PHLPP1: variants seen among roughly 807,000 people sequenced by gnomAD.
The protein encoded by PHLPP1 is PH domain leucine-rich repeat-containing protein phosphatase 1.
A neutral mutation model predicts 117.2 loss-of-function variants in PHLPP1; 42 were observed. The observed-to-expected ratio is 0.36, with a 90% confidence interval of 0.28 to 0.46. The LOEUF is 0.46. PHLPP1 is among the 20% of genes least tolerant of loss of function. The pLI is 1.00. For missense variants in PHLPP1, 2,084 were observed against 2,241.9 expected, an observed-to-expected ratio of 0.93 and a Z score of 1.42; for synonymous variants, 1,042 against 970.7, an observed-to-expected ratio of 1.07 and a Z score of -1.37.
At chr18:62,974,614 G>C (rs573948) in intron 15 of PHLPP1, among the ~76,000 whole-genome samples, 147,487 of 152,330 alleles carry the variant, frequency 0.97, 71,450 homozygotes, top group East Asian at 1. Context: ...TCTTTTGTCC[G>C]TCTCTGCCAT....
chr18:62,736,457 C>T (rs914619455), intron 1 of PHLPP1, among the ~76,000 whole-genome samples: 5 of 152,122 alleles, frequency 3.3e-5, no homozygotes, highest in African/African-American at 4.8e-5. Context: ...CAGTAGCTAA[C>T]TGGCTCTTTT....
chr18:62,773,859 T>G (rs1255918389), intron 1 of PHLPP1, among the ~76,000 whole-genome samples: 2 of 152,190 alleles, frequency 1.3e-5, no homozygotes, highest in East Asian at 3.8e-4. Flanking sequence ...GCCGGCAGAT[T>G]CCTTGTTGAT....
chr18:62,834,738 A>G (rs1599072664), intron 2 of PHLPP1, among the ~76,000 whole-genome samples: 1 of 152,162 alleles, frequency 6.6e-6, no homozygotes, highest in African/African-American at 2.4e-5. Context: ...AGTTAACACA[A>G]TTTGATAGCT....
chr18:62,834,942 T>A (rs908434614), intron 2 of PHLPP1, among the ~76,000 whole-genome samples: 7 of 152,276 alleles, frequency 4.6e-5, no homozygotes, highest in East Asian at 1.9e-4. Context: ...CAGCATTTTT[T>A]AAAAAATCGT....
At chr18:62,899,885 G>T (rs1916668340) in intron 6 of PHLPP1, among the ~76,000 whole-genome samples, 1 of 152,182 alleles carries the variant, frequency 6.6e-6, no homozygotes, top group Admixed American at 6.5e-5. Context: ...GCCTAGGCTG[G>T]CTCAAACTCT....
At chr18:62,825,389 T>C (rs984408727) in intron 1 of PHLPP1, 5 of 147,602 alleles carry the variant, frequency 3.4e-5, no homozygotes, top group African/African-American at 1.2e-4. Context: ...AAATTATATA[T>C]TATATAAATA....
Position 62,715,793 on chromosome 18 carries a change from C to A in PHLPP1, c.110C>A (p.Ala37Asp), listed in dbSNP as rs1016774262. 1.3e-6 allele frequency: 1 copy of A among 793,264 alleles called. No individual in the cohort carries two copies. Among genetic ancestry groups the A allele is most frequent in the Non-Finnish European group, 1.5e-6 (1 of 648,152 alleles). The allele number at this position is 793,264 out of a possible 1,614,324, so 49.1% of individuals were successfully genotyped here. Residue 37 changes from alanine (A) to aspartate (D), a missense_variant, in exon 1 of 17, where the codon GCC (alanine) becomes GAC (aspartate). By Grantham distance (126) the Ala-to-Asp change is moderately radical. Coordinates refer to ENST00000262719, the MANE Select transcript of PHLPP1 (RefSeq NM_194449.4). ...AAAAAAAAAA[A>D]AAALAAAAGG... The stretch of plus-strand genomic sequence containing the variant: ...GCGGCAGCAGCAGCAGCAGCGGCGG[C>A]CGCGGCGGCTCTGGCGGCGGCGGCC...
chr18:62,931,611 A>AG (rs397792485), intron 10 of PHLPP1, among the ~76,000 whole-genome samples: 1 of 150,636 alleles, frequency 6.6e-6, no homozygotes, highest in Non-Finnish European at 1.5e-5. Context: ...AAAAAAAAAA[A>AG]GGGCCGGGCA....
intron 1 of PHLPP1, among the ~76,000 whole-genome samples, chr18:62,769,794 A>C (rs1291113782): frequency 6.6e-6 from 1 of 152,226 alleles, no homozygotes; most frequent in Admixed American, 6.5e-5. Flanking sequence ...CTGTTCATCA[A>C]CTGTTATACG....
chr18:62,733,318 G>C (rs1911278001), intron 1 of PHLPP1, among the ~76,000 whole-genome samples: 2 of 152,230 alleles, frequency 1.3e-5, no homozygotes, highest in Non-Finnish European at 2.9e-5. Context: ...CAAAGGCTCA[G>C]ATCATTGTTA....
Position 62,979,560 on chromosome 18 carries a change from C to A in PHLPP1, c.*129C>A. ...AGACACTGTTCCCAACCTGTCATCGCAGCTAATCTGTAGGTTCTCTTTCTT... is the reference window on the plus strand; with the variant it reads ...AGACACTGTTCCCAACCTGTCATCGAAGCTAATCTGTAGGTTCTCTTTCTT... On this transcript the variant is annotated 3_prime_UTR_variant, in exon 17 of 17. Coordinates refer to ENST00000262719, the MANE Select transcript of PHLPP1 (RefSeq NM_194449.4). 1 of 1,007,840 alleles carries A rather than the reference C, an allele frequency of 9.9e-7. No individual in the cohort carries two copies. The highest frequency in any genetic ancestry group is 1.4e-6 in the Non-Finnish European group (1 of 698,072). The allele number at this position is 1,007,840 out of a possible 1,614,324, so 62.4% of individuals were successfully genotyped here.
chr18:62,750,428 A>C (rs568336329), intron 1 of PHLPP1, among the ~76,000 whole-genome samples: 1 of 152,056 alleles, frequency 6.6e-6, no homozygotes, highest in Non-Finnish European at 1.5e-5. Context: ...GCGGACTCCT[A>C]TCAGACTTGT....
chr18:62,946,626 C>T (rs917527572), intron 12 of PHLPP1, among the ~76,000 whole-genome samples: 1 of 152,000 alleles, frequency 6.6e-6, no homozygotes, highest in South Asian at 2.1e-4. Context: ...GAGATGTGTA[C>T]AAGCCATTTT....
At chr18:62,789,811 A>G (rs1267674156) in intron 1 of PHLPP1, among the ~76,000 whole-genome samples, 2 of 152,218 alleles carry the variant, frequency 1.3e-5, no homozygotes, top group African/African-American at 4.8e-5. Context: ...AATTTAATAT[A>G]TACATATATA....
intron 4 of PHLPP1, among the ~76,000 whole-genome samples, chr18:62,891,421 C>T (rs1916406408): frequency 6.6e-6 from 1 of 152,062 alleles, no homozygotes; most frequent in South Asian, 2.1e-4. Context: ...AACCCTGTCT[C>T]TACTAAAAAT....
At chr18:62,836,776 A>G (rs1398411070) in intron 2 of PHLPP1, among the ~76,000 whole-genome samples, 1 of 151,324 alleles carries the variant, frequency 6.6e-6, no homozygotes, top group Non-Finnish European at 1.5e-5. Flanking sequence ...TTAAATGGCT[A>G]TATAGGGGCC....
chr18:62,768,030 T>G (rs2144261424), intron 1 of PHLPP1, among the ~76,000 whole-genome samples: 1 of 152,324 alleles, frequency 6.6e-6, no homozygotes, highest in South Asian at 2.1e-4. Flanking sequence ...TAGGAGAGGA[T>G]GAGAATCCAT....
At chr18:62,791,567 A>G (rs1378909655) in intron 1 of PHLPP1, among the ~76,000 whole-genome samples, 1 of 152,170 alleles carries the variant, frequency 6.6e-6, no homozygotes, top group Non-Finnish European at 1.5e-5. Flanking sequence ...TGCCAGCAAT[A>G]TGACAGCTCT....
chr18:62,969,354 A>T (rs1910988460), intron 14 of PHLPP1, among the ~76,000 whole-genome samples: 1 of 152,114 alleles, frequency 6.6e-6, no homozygotes, highest in African/African-American at 2.4e-5. Flanking sequence ...ATTTTTTTCT[A>T]AGTAATTTCA....
Sources: allele counts gnomAD v4.1 joint callset (sites outside exome capture counted in the v4.1 genomes callset), GRCh38; gene constraint gnomAD v4.1.1; transcripts MANE v1.5; gene names NCBI Gene and HGNC (gene_info 2026-07-23, HGNC 2026-07-21).